CEP83: variants seen among roughly 807,000 people sequenced by gnomAD.
CEP83 encodes centrosomal protein of 83 kDa.
In CEP83, 70 loss-of-function variants were observed where a neutral mutation model predicts 101.9. The observed-to-expected ratio is 0.69, with a 90% CI of 0.57 to 0.84. The LOEUF (loss-of-function observed/expected upper bound fraction) is 0.84, where lower values mean the gene tolerates loss of function less well. Among genes scored for constraint, CEP83 ranks in the 40% least tolerant of loss-of-function variants. The pLI, the probability that CEP83 is intolerant of heterozygous loss-of-function variation, is 0.00. For missense variants in CEP83, 715 were observed against 787.2 expected (o/e 0.91, Z 1.10); for synonymous variants, 264 against 267.9 (o/e 0.99, Z 0.14).
intron 4 of CEP83, among the ~76,000 whole-genome samples, chr12:94,407,420 T>A (rs1300632502): frequency 6.6e-6 from 1 of 152,214 alleles, no homozygotes; most frequent in Non-Finnish European, 1.5e-5. Flanking sequence ...CTGTGCTCAC[T>A]ACCCTGTAGA....
At chr12:94,411,017 CA>C (rs1395804812) in intron 4 of CEP83, among the ~76,000 whole-genome samples, 4 of 152,068 alleles carry the variant, frequency 2.6e-5, no homozygotes, top group Non-Finnish European at 5.9e-5. Flanking sequence ...TTGTACCAAT[CA>C]GATTGTTAGG....
rs199898870 is a variant in CEP83 at position 94,411,665 on chromosome 12, T to C, written c.324+32A>G. The C allele has an allele frequency of 6.4e-6, 10 of 1,550,464 alleles. No homozygotes were observed. The Middle Eastern group carries it at 8.5e-4, about 132-fold the overall frequency. ...TCCACTACGTATCTGACTGCTTTTATACTAACTCAAAACTCAAATATATTT... is the reference window on the plus strand; with the variant it reads ...TCCACTACGTATCTGACTGCTTTTACACTAACTCAAAACTCAAATATATTT... On this transcript the variant is annotated intron_variant, in intron 4 of 16. Transcript: ENST00000397809.
At chr12:94,288,842 T>G in the CEP83 span, among the ~76,000 whole-genome samples, 1 of 152,270 alleles carries the variant, frequency 6.6e-6, no homozygotes, top group African/African-American at 2.4e-5. Flanking sequence ...TAATATTGTT[T>G]CAGCAGAAAA....
intron 11 of CEP83, among the ~76,000 whole-genome samples, chr12:94,352,022 T>C (rs963389991): frequency 6.6e-6 from 1 of 152,180 alleles, no homozygotes; most frequent in South Asian, 2.1e-4. Flanking sequence ...CAAACAATAC[T>C]GCAGGACAAA....
At chr12:94,349,401 T>A (rs1057082161) in intron 11 of CEP83, among the ~76,000 whole-genome samples, 1 of 152,148 alleles carries the variant, frequency 6.6e-6, no homozygotes, top group African/African-American at 2.4e-5. Context: ...TGGTTCCTAT[T>A]TTGATTAATA....
intron 1 of CEP83, among the ~76,000 whole-genome samples, chr12:94,439,206 G>C (rs576438586): frequency 6.6e-6 from 1 of 151,782 alleles, no homozygotes; most frequent in Non-Finnish European, 1.5e-5. Flanking sequence ...ACAACAACAA[G>C]AACAACAACA....
intron 2 of CEP83, among the ~76,000 whole-genome samples, chr12:94,419,278 TA>T (rs2064530715): frequency 6.6e-6 from 1 of 151,968 alleles, no homozygotes; most frequent in African/African-American, 2.4e-5. Flanking sequence ...CTTAATAATA[TA>T]AAAAATATCA....
At chr12:94,290,295 G>A in the CEP83 span, among the ~76,000 whole-genome samples, 1 of 152,234 alleles carries the variant, frequency 6.6e-6, no homozygotes, top group African/African-American at 2.4e-5. Flanking sequence ...CTCGGTGTCT[G>A]AGTATTGCTA....
intron 1 of CEP83, among the ~76,000 whole-genome samples, chr12:94,439,962 G>C (rs2066278267): frequency 6.6e-6 from 1 of 152,090 alleles, no homozygotes; most frequent in African/African-American, 2.4e-5. Context: ...AACAGACGCA[G>C]AAAAAGCATG....
chr12:94,350,047 A>G (rs2060130861), intron 11 of CEP83, among the ~76,000 whole-genome samples: 2 of 152,222 alleles, frequency 1.3e-5, no homozygotes, highest in Admixed American at 1.3e-4. Context: ...GAAAGATTCA[A>G]TATTGTTGAG....
At chr12:94,396,100 T>G (rs931237578) in intron 6 of CEP83, among the ~76,000 whole-genome samples, 2 of 152,120 alleles carry the variant, frequency 1.3e-5, no homozygotes. Context: ...AGTCTACCAT[T>G]ATAATTACCT....
chr12:94,441,621 C>T (rs907387608), intron 1 of CEP83, among the ~76,000 whole-genome samples: 1 of 152,004 alleles, frequency 6.6e-6, no homozygotes, highest in East Asian at 1.9e-4. Context: ...GATTCCTTAA[C>T]GAATGAAAAG....
downstream of CEP83, chr12:94,304,158 A>C: frequency 1.4e-6 from 1 of 713,534 alleles, no homozygotes; most frequent in Non-Finnish European, 2.3e-6. Flanking sequence ...AAGGCCAGAA[A>C]GGGAAGCCAG....
chr12:94,380,416 G>A (rs192192680), intron 6 of CEP83, among the ~76,000 whole-genome samples: 3 of 152,240 alleles, frequency 2.0e-5, no homozygotes, highest in African/African-American at 7.2e-5. Flanking sequence ...GGCAGCTGTG[G>A]CATTTAGAGT....
At chr12:94,422,116 G>T (rs565537499) in intron 2 of CEP83, among the ~76,000 whole-genome samples, 2 of 152,304 alleles carry the variant, frequency 1.3e-5, no homozygotes, top group Non-Finnish European at 2.9e-5. Flanking sequence ...CATTCCACAA[G>T]TTACTTCCTC....
the CEP83 span, among the ~76,000 whole-genome samples, chr12:94,270,848 T>C: frequency 6.6e-6 from 1 of 151,976 alleles, no homozygotes; most frequent in Admixed American, 6.6e-5. Context: ...GATCCCTTGA[T>C]CCAGGAAGCT....
chr12:94,424,205 G>A, intron 2 of CEP83: 1 of 1,609,656 alleles, frequency 6.2e-7, no homozygotes, highest in Non-Finnish European at 8.5e-7. Context: ...CTGAAGAGCT[G>A]TGGTGGGGTC....
chr12:94,335,972 C>T, intron 11 of CEP83: 1 of 232,602 alleles, frequency 4.3e-6, no homozygotes, highest in Non-Finnish European at 8.2e-6. Context: ...ACATAAACAA[C>T]AGCCTGAAAA....
intron 6 of CEP83, among the ~76,000 whole-genome samples, chr12:94,389,848 C>T (rs148832790): frequency 1.6e-3 from 237 of 152,328 alleles, no homozygotes; most frequent in Non-Finnish European, 2.8e-3. Context: ...CCCACGCCCA[C>T]GGAGCCTTGC....
Sources: gnomAD v4.1 joint callset for allele counts (sites outside exome capture counted in the v4.1 genomes callset) on GRCh38, gnomAD v4.1.1 for gene constraint, MANE v1.5 for transcripts, NCBI Gene and HGNC (gene_info 2026-07-23, HGNC 2026-07-21) for gene names.